Variants in LACTBL1 observed in about 807,000 individuals in gnomAD.
The protein encoded by LACTBL1 is lactamase beta like 1.
A neutral mutation model predicts 39.6 loss-of-function variants in LACTBL1; 29 were observed. The observed-to-expected ratio is 0.73, with a 90% CI of 0.55 to 1.00. The LOEUF (loss-of-function observed/expected upper bound fraction) is 1.00, where lower values mean the gene tolerates loss of function less well. Ranked by LOEUF, LACTBL1 falls within the 50% of genes least tolerant of loss-of-function variation. The pLI, the probability that LACTBL1 is intolerant of heterozygous loss-of-function variation, is 0.00. For synonymous variants in LACTBL1, 361 were observed against 360.7 expected (o/e 1.00, Z -0.01); for missense variants, 711 against 748.5 (o/e 0.95, Z 0.59).
intron 1 of LACTBL1, among the ~76,000 whole-genome samples, chr1:22,964,094 G>A (rs1042546539): frequency 1.3e-5 from 2 of 152,052 alleles, no homozygotes; most frequent in African/African-American, 2.4e-5. Context: ...CCACCACCAC[G>A]CCCGGCTCAT....
chr1:22,965,376 G>A (rs567091931), upstream of LACTBL1: 2,235 of 1,265,716 alleles, frequency 1.8e-3, 1 homozygote, highest in Non-Finnish European at 2.0e-3. Flanking sequence ...GCAGATGGCC[G>A]GGAGGAGCCA....
chr1:22,966,260 A>G (rs1640875083), upstream of LACTBL1, among the ~76,000 whole-genome samples: 1 of 152,224 alleles, frequency 6.6e-6, no homozygotes, highest in Non-Finnish European at 1.5e-5. Flanking sequence ...TGAGCCAGAT[A>G]TTGAGGATAT....
chr1:22,960,486 G>A (rs866765307), intron 2 of LACTBL1, among the ~76,000 whole-genome samples: 24 of 151,926 alleles, frequency 1.6e-4, no homozygotes, highest in African/African-American at 4.6e-4. Flanking sequence ...GCATGGTGGC[G>A]GGCGCCTGTA....
At chr1:22,956,518 C>T (rs1342921074) in intron 4 of LACTBL1, among the ~76,000 whole-genome samples, 1 of 151,984 alleles carries the variant, frequency 6.6e-6, no homozygotes, top group Middle Eastern at 3.2e-3. Flanking sequence ...TGAGGGATTC[C>T]TACCTTTTGG....
exon 6 of LACTBL1, chr1:22,953,725 A>T: frequency 7.5e-7 from 1 of 1,336,818 alleles, no homozygotes; most frequent in Non-Finnish European, 9.6e-7. Flanking sequence ...GGGCCGCAGG[A>T]GCCGCCGGGG....
At chr1:22,953,138 C>G in exon 6 of LACTBL1, 2 of 1,232,280 alleles carry the variant, frequency 1.6e-6, no homozygotes, top group African/African-American at 3.1e-5. Flanking sequence ...CCGTGGTGAT[C>G]CAAGGGGTAG....
At chr1:22,961,419 A>C (rs1307697510) in intron 2 of LACTBL1, among the ~76,000 whole-genome samples, 3 of 152,116 alleles carry the variant, frequency 2.0e-5, no homozygotes, top group Non-Finnish European at 4.4e-5. Context: ...GCTGGAGTTT[A>C]GTGACATCAT....
chr1:22,954,822 C>G (rs1334057260), intron 5 of LACTBL1, among the ~76,000 whole-genome samples: 1 of 152,196 alleles, frequency 6.6e-6, no homozygotes. Context: ...TGACCAGCGG[C>G]TCAGAAGGGG....
chr1:22,963,333 GC>G (rs1640845817), intron 1 of LACTBL1, 117 bp from the exon 4 acceptor site: 3 of 506,398 alleles, frequency 5.9e-6, no homozygotes, highest in Non-Finnish European at 9.9e-6. Context: ...GCCGAGCCGA[GC>G]CGGGGGATAT....
At chr1:22,963,144 G>A (rs1241505837) in exon 2 of LACTBL1, 3 of 1,291,742 alleles carry the variant, frequency 2.3e-6, no homozygotes, top group Admixed American at 4.1e-5. Flanking sequence ...GAGTGGGTGA[G>A]CCAGGGGCAC....
chr1:22,969,008 G>C (rs757655189), upstream of LACTBL1, among the ~76,000 whole-genome samples: 2 of 152,124 alleles, frequency 1.3e-5, no homozygotes, highest in Non-Finnish European at 2.9e-5. Flanking sequence ...AAACTCCTGG[G>C]CTCAAGCAAT....
At chr1:22,958,956 A>T in intron 3 of LACTBL1, 36 bp from the exon 6 acceptor site, 2 of 1,446,730 alleles carry the variant, frequency 1.4e-6, no homozygotes, top group Non-Finnish European at 1.9e-6. Context: ...GTCAAAGGGC[A>T]TCCTGTTGGC....
chr1:22,959,367 C>T (rs372899667), intron 3 of LACTBL1, among the ~76,000 whole-genome samples: 16 of 152,304 alleles, frequency 1.1e-4, no homozygotes, highest in African/African-American at 3.6e-4. Flanking sequence ...TACATGTTAG[C>T]ACATATAACT....
At chr1:22,971,429 C>A in the LACTBL1 span, among the ~76,000 whole-genome samples, 4 of 152,122 alleles carry the variant, frequency 2.6e-5, no homozygotes, top group Non-Finnish European at 5.9e-5. Flanking sequence ...CCCTTCCCAG[C>A]TGGAAATTGC....
intron 4 of LACTBL1, 121 bp downstream of exon 6, chr1:22,958,564 A>T: frequency 1.3e-6 from 1 of 757,492 alleles, no homozygotes; most frequent in Non-Finnish European, 2.1e-6. Flanking sequence ...CATGAGAGGG[A>T]CGTAGGGCCA....
chr1:22,958,988 C>G, intron 3 of LACTBL1, 68 bp from the exon 6 acceptor site: 1 of 1,022,738 alleles, frequency 9.8e-7, no homozygotes, highest in Non-Finnish European at 1.4e-6. Context: ...CCTCCTGCCC[C>G]CATCCTGCAA....
chr1:22,967,024 A>G (rs1031657290), upstream of LACTBL1, among the ~76,000 whole-genome samples: 7 of 152,340 alleles, frequency 4.6e-5, no homozygotes, highest in Middle Eastern at 3.4e-3. Flanking sequence ...ACTTGAGCCC[A>G]GGAGTTTGAG....
intron 2 of LACTBL1, among the ~76,000 whole-genome samples, chr1:22,962,216 C>T (rs1213768910): frequency 1.3e-5 from 2 of 152,126 alleles, no homozygotes; most frequent in Non-Finnish European, 2.9e-5. Flanking sequence ...AGCCACATAG[C>T]ACCCTTCTGC....
chr1:22,953,151 G>A (rs1640720086), exon 6 of LACTBL1: 1 of 1,232,118 alleles, frequency 8.1e-7, no homozygotes, highest in Admixed American at 4.2e-5. Context: ...AGGGGTAGAA[G>A]TTGACCAGCT....
Sources: gnomAD v4.1 joint callset for allele counts (sites outside exome capture counted in the v4.1 genomes callset) on GRCh38, gnomAD v4.1.1 for gene constraint, MANE v1.5 for transcripts, NCBI Gene and HGNC (gene_info 2026-07-23, HGNC 2026-07-21) for gene names.